The following CHD2 variants were observed in gnomAD, a reference collection of about 807,000 sequenced individuals.
The protein encoded by CHD2 is chromodomain helicase DNA binding protein 2, also known as ATP-dependent chromatin remodeler CHD2.
A neutral mutation model predicts 243.9 loss-of-function variants in CHD2; 28 were observed. The observed-to-expected ratio is 0.11, with a 90% confidence interval of 0.09 to 0.16. The LOEUF (loss-of-function observed/expected upper bound fraction) is 0.16. Ranked by LOEUF, CHD2 falls within the 10% of genes least tolerant of loss-of-function variation. The pLI is 1.00. For missense variants in CHD2, 1,386 were observed against 2,209.8 expected, an observed-to-expected ratio of 0.63 and a Z score of 7.47; for synonymous variants, 775 against 779.0, an observed-to-expected ratio of 0.99 and a Z score of 0.09.
chr15:92,949,698 C>T (rs1407930544), intron 13 of CHD2, among the ~76,000 whole-genome samples: 1 of 152,178 alleles, frequency 6.6e-6, no homozygotes, highest in African/African-American at 2.4e-5. Context: ...ATTTCCTTCA[C>T]CAATTTCAAG....
At chr15:92,942,402 T>A (rs1479518782) in intron 8 of CHD2, among the ~76,000 whole-genome samples, 1 of 151,172 alleles carries the variant, frequency 6.6e-6, no homozygotes, top group Non-Finnish European at 1.5e-5. Context: ...CTTTTTCTTT[T>A]GGCTTTTTTT....
In CHD2 at chr15:93,020,181, C is replaced by T. The variant is rs901529415; in HGVS notation, c.5076C>T (p.Asn1692=). ...ACCGTTCCGGAAGCTATCGACCCAA[C>T]AACATGTCCAGAAAGAGGCCTTATG... ...DAHRSGSYRP[N]NMSRKRPYDQ... is the part of the protein sequence containing the mutation. Residue 1692 remains asparagine, a synonymous_variant, in exon 38 of 39, where the codon AAC becomes AAT. Coordinates refer to ENST00000394196, the MANE Select transcript of CHD2 (RefSeq NM_001271.4). The T allele has an allele frequency of 1.4e-5, 23 of 1,613,986 alleles. No homozygotes were observed. Among genetic ancestry groups the T allele is most frequent in the Admixed American group, 1.7e-5 (1 of 59,988 alleles).
At chr15:93,009,705 G>T (rs2054366671) in intron 35 of CHD2, among the ~76,000 whole-genome samples, 1 of 152,102 alleles carries the variant, frequency 6.6e-6, no homozygotes. Flanking sequence ...ACAACTAATT[G>T]GTTGGTTCTG....
At chr15:92,964,927 C>T (rs2053737157) in intron 16 of CHD2, among the ~76,000 whole-genome samples, 2 of 152,168 alleles carry the variant, frequency 1.3e-5, no homozygotes, top group Non-Finnish European at 2.9e-5. Context: ...AGGCCAATCT[C>T]TTAATTTTTT....
At chr15:92,948,905 T>C in intron 12 of CHD2, 47 bp from the exon 13 acceptor site, 7 of 1,582,760 alleles carry the variant, frequency 4.4e-6, no homozygotes, top group Non-Finnish European at 6.0e-6. Flanking sequence ...CGTTTTAACA[T>C]AGTAGCAGTA....
At chr15:92,938,160 C>T (rs1009435821) in intron 6 of CHD2, among the ~76,000 whole-genome samples, 28 of 152,134 alleles carry the variant, frequency 1.8e-4, no homozygotes, top group Admixed American at 1.8e-3. Flanking sequence ...AAACTATGCC[C>T]TTTGGGCCAA....
chr15:92,912,858 CTA>C (rs1306330670), intron 2 of CHD2, among the ~76,000 whole-genome samples: 1 of 152,194 alleles, frequency 6.6e-6, no homozygotes, highest in Non-Finnish European at 1.5e-5. Flanking sequence ...CCCTGACAAA[CTA>C]AAATGATCAG....
chr15:92,973,121 C>A (rs60641649), intron 19 of CHD2, among the ~76,000 whole-genome samples: 1 of 152,272 alleles, frequency 6.6e-6, no homozygotes, highest in South Asian at 2.1e-4. Flanking sequence ...GACATTCCCC[C>A]CAAAAGTTGA....
rs565140345 is a variant in CHD2, at chr15:92,928,773, G to C, written c.382-257G>C. On this transcript the variant is annotated intron_variant, in intron 4 of 38. Coordinates refer to ENST00000394196, the MANE Select transcript of CHD2 (RefSeq NM_001271.4). ...ATTTACATCGTTGCAGAAAGTTATT[G>C]GATATTGCTGTTCTGGAAGTCAAGC... is the stretch of plus-strand genomic sequence containing the variant. 2.6e-5 allele frequency among the ~76,000 whole-genome samples: 4 copies of C among 152,290 alleles called. No homozygotes were observed. The South Asian group carries it at 8.3e-4, about 32-fold the overall frequency.
intron 5 of CHD2, among the ~76,000 whole-genome samples, chr15:92,930,026 AC>A (rs535796775): frequency 4.1e-5 from 5 of 122,140 alleles, no homozygotes; most frequent in Non-Finnish European, 8.8e-5. Flanking sequence ...ACAGAAAAGT[AC>A]TTAATTTTGC....
At chr15:93,011,034 A>C (rs1162502569) in intron 35 of CHD2, among the ~76,000 whole-genome samples, 4 of 151,516 alleles carry the variant, frequency 2.6e-5, no homozygotes, top group Admixed American at 2.6e-4. Context: ...TCCGCTTAAC[A>C]CTGTTACCAA....
Position 92,997,910 on chromosome 15 carries a change from C to CTG in CHD2, c.3885+508_3885+509dup, listed in dbSNP as rs1248649090. On this transcript the variant is annotated intron_variant, in intron 30 of 38. Coordinates refer to ENST00000394196, the MANE Select transcript of CHD2 (RefSeq NM_001271.4). The surrounding 1 kb of genome is among the most constrained non-coding windows in gnomAD (Gnocchi z 4.1). ...TGGTTGGAGCTATAAGCAGGGAAGG[C>CTG]TGACTGGCTCAAATTTTGGTAGGAT... The CTG allele has an allele frequency of 3.2e-5, 5 of 155,192 alleles. No homozygotes were observed. The highest frequency in any genetic ancestry group is 1.2e-4 in the African/African-American group (5 of 41,428). 9.6% of individuals were successfully genotyped at this position (155,192 alleles called of 1,614,324 possible).
chr15:92,904,472 C>T lies in CHD2; in HGVS notation c.62+3173C>T, dbSNP rs528640111. 4.9e-4 allele frequency: 483 copies of T among 989,688 alleles called. 1 individual carries two copies. In the African/African-American group the frequency reaches 7.8e-3, roughly 16 times the overall value. The allele number at this position is 989,688 out of a possible 1,614,324, so 61.3% of individuals were successfully genotyped here. ...TCGGGCGCTTTCTCCTCCCCCTACC[C>T]AGGGAGCCGCACGCCGAGGGGAAAA... On this transcript the variant is annotated intron_variant, in intron 2 of 38. Transcript: ENST00000394196.
intron 5 of CHD2, among the ~76,000 whole-genome samples, chr15:92,937,123 A>G (rs1308038788): frequency 6.6e-6 from 1 of 152,160 alleles, no homozygotes; most frequent in East Asian, 1.9e-4. Flanking sequence ...TTGGCCTCCC[A>G]AAGTGCTGAG....
At chr15:93,019,874 A>G in intron 37 of CHD2, 138 bp from the exon 38 acceptor site, 1 of 1,001,592 alleles carries the variant, frequency 1.0e-6, no homozygotes, top group Non-Finnish European at 1.4e-6. Flanking sequence ...TGGAGATTGC[A>G]GTGATCTAAG....
At chr15:92,966,298 A>G (rs894127154) in intron 16 of CHD2, among the ~76,000 whole-genome samples, 6 of 151,762 alleles carry the variant, frequency 4.0e-5, no homozygotes, top group African/African-American at 1.5e-4. Flanking sequence ...TCCTGACCTC[A>G]GGTGATCCGC....
chr15:93,010,663 A>G (rs991375846), intron 35 of CHD2, among the ~76,000 whole-genome samples: 4 of 152,168 alleles, frequency 2.6e-5, no homozygotes, highest in African/African-American at 9.7e-5. Context: ...ACCTTAGGTG[A>G]TCCGCCCGCC....
intron 15 of CHD2, 43 bp from the exon 16 acceptor site, chr15:92,956,416 C>G: frequency 6.7e-7 from 1 of 1,486,690 alleles, no homozygotes; most frequent in Non-Finnish European, 9.2e-7. Context: ...CTTGTGGGTT[C>G]CCTTCTGACC....
Position 92,992,976 on chromosome 15 carries a change from G to T in CHD2, c.3573G>T (p.Gln1191His). 6.2e-7 allele frequency: 1 copy of T among 1,613,934 alleles called. No individual in the cohort carries two copies. Among genetic ancestry groups the T allele is most frequent in the Non-Finnish European group, 8.5e-7 (1 of 1,180,022 alleles). ...CAGCAATGCAGGAATACGAAGAGCA[G>T]CTGAAAGAAAATGCCAGCGAGGGTA... ...CVSAMQEYEEQLKENASEGKG... is the reference protein window; with the variant it reads ...CVSAMQEYEEHLKENASEGKG... The change falls in exon 28 of 39, where the codon CAG becomes CAT. Residue 1191 changes from glutamine to histidine, a missense_variant. Transcript: ENST00000394196.
Sources: allele counts gnomAD v4.1 joint callset (sites outside exome capture counted in the v4.1 genomes callset), GRCh38; gene constraint gnomAD v4.1.1; non-coding constraint Gnocchi (gnomAD v3.1); transcripts MANE v1.5; gene names NCBI Gene and HGNC (gene_info 2026-07-23, HGNC 2026-07-21).